The following MOB3B variants were observed in gnomAD, a reference collection of about 807,000 sequenced individuals.
MOB3B encodes MOB kinase activator-like 2B.
In MOB3B, 7 loss-of-function variants were observed where a neutral mutation model predicts 18.7. The observed-to-expected ratio is 0.37, with a 90% CI of 0.21 to 0.70. The LOEUF (loss-of-function observed/expected upper bound fraction) is 0.70. Ranked by LOEUF, MOB3B falls within the 30% of genes least tolerant of loss-of-function variation. MOB3B has a pLI of 0.52. For missense variants in MOB3B, 253 were observed against 281.3 expected, an observed-to-expected ratio of 0.90 and a Z score of 0.72; for synonymous variants, 111 against 99.9, an observed-to-expected ratio of 1.11 and a Z score of -0.66.
intron 2 of MOB3B, among the ~76,000 whole-genome samples, chr9:27,361,100 C>T (rs77817147): frequency 0.038 from 5,802 of 152,184 alleles, 390 homozygotes; most frequent in African/African-American, 0.13. Context: ...AGTCCTGTAA[C>T]CCACCTGGTG....
intron 2 of MOB3B, among the ~76,000 whole-genome samples, chr9:27,399,413 C>G (rs985838327): frequency 6.6e-6 from 1 of 152,186 alleles, no homozygotes; most frequent in Non-Finnish European, 1.5e-5. Flanking sequence ...AAATTTCAGA[C>G]CATTATGGCT....
chr9:27,513,296 C>G (rs1170472892), intron 1 of MOB3B, among the ~76,000 whole-genome samples: 1 of 152,102 alleles, frequency 6.6e-6, no homozygotes, highest in Non-Finnish European at 1.5e-5. Flanking sequence ...ATCTAGGTCA[C>G]CATGACTCTC....
intron 1 of MOB3B, among the ~76,000 whole-genome samples, chr9:27,475,176 C>T (rs1254174850): frequency 6.6e-6 from 1 of 152,162 alleles, no homozygotes; most frequent in East Asian, 1.9e-4. Flanking sequence ...TAAAAGCCAG[C>T]CAGTGAGGAG....
At chr9:27,376,622 A>T (rs907168380) in intron 2 of MOB3B, among the ~76,000 whole-genome samples, 18 of 152,256 alleles carry the variant, frequency 1.2e-4, no homozygotes, top group Admixed American at 1.1e-3. Context: ...AGTGTCTCAC[A>T]CTAGAACAAT....
intron 1 of MOB3B, among the ~76,000 whole-genome samples, chr9:27,507,894 T>G (rs538190725): frequency 6.6e-6 from 1 of 152,358 alleles, no homozygotes; most frequent in African/African-American, 2.4e-5. Flanking sequence ...CCAGAAGGTT[T>G]AAGTTCTTCA....
chr9:27,454,158 C>T (rs899652822), intron 2 of MOB3B, among the ~76,000 whole-genome samples: 1 of 152,232 alleles, frequency 6.6e-6, no homozygotes, highest in Non-Finnish European at 1.5e-5. Context: ...TCCATACACG[C>T]CCTTCTCAAC....
chr9:27,364,331 C>T (rs939620944), intron 2 of MOB3B, among the ~76,000 whole-genome samples: 2 of 152,112 alleles, frequency 1.3e-5, no homozygotes, highest in African/African-American at 4.8e-5. Context: ...AGACCCTCCA[C>T]TTCAGTATTC....
chr9:27,487,090 C>A (rs1819738546), intron 1 of MOB3B, among the ~76,000 whole-genome samples: 1 of 150,702 alleles, frequency 6.6e-6, no homozygotes, highest in African/African-American at 2.4e-5. Flanking sequence ...AAGGTCTCAC[C>A]ATTGCACTCC....
chr9:27,472,175 G>A lies in MOB3B; in HGVS notation c.-198-16427C>T, dbSNP rs541835254. On this transcript the variant is annotated intron_variant, in intron 1 of 3. Transcript: ENST00000262244. Reference sequence around the variant, plus strand: ...TCATTCATTTAGGGGAGTTGTTTTGGTTTTTCTTGTTTTATTCTTTGGGTA... The same window carrying A: ...TCATTCATTTAGGGGAGTTGTTTTGATTTTTCTTGTTTTATTCTTTGGGTA... Among the ~76,000 whole-genome samples the A allele has an allele frequency of 3.3e-5, 5 of 149,450 alleles. No individual in the cohort carries two copies. The South Asian group carries it at 1.1e-3, about 32-fold the overall frequency.
chr9:27,346,995 C>CAAAAT (rs1363646319), intron 3 of MOB3B, among the ~76,000 whole-genome samples: 4 of 151,774 alleles, frequency 2.6e-5, no homozygotes, highest in East Asian at 3.9e-4. Context: ...GACTCTATCT[C>CAAAAT]AAAATAAAAT....
At chr9:27,443,616 A>G (rs1484749108) in intron 2 of MOB3B, among the ~76,000 whole-genome samples, 1 of 152,188 alleles carries the variant, frequency 6.6e-6, no homozygotes, top group Non-Finnish European at 1.5e-5. Context: ...AGTTAGTCCA[A>G]TCAGGAACCC....
chr9:27,508,743 A>G (rs1361367081), intron 1 of MOB3B, among the ~76,000 whole-genome samples: 1 of 152,208 alleles, frequency 6.6e-6, no homozygotes, highest in Non-Finnish European at 1.5e-5. Context: ...GTCCCCAGAC[A>G]GCGATTTGTA....
chr9:27,484,249 A>G (rs1315244202), intron 1 of MOB3B, among the ~76,000 whole-genome samples: 10 of 152,348 alleles, frequency 6.6e-5, no homozygotes, highest in Non-Finnish European at 1.0e-4. Context: ...AACTCAGAGA[A>G]AAACGGGAAG....
intron 1 of MOB3B, among the ~76,000 whole-genome samples, chr9:27,517,906 GCTT>G (rs1563888614): frequency 1.3e-5 from 2 of 152,064 alleles, no homozygotes; most frequent in African/African-American, 4.8e-5. Context: ...CCCATTCCAA[GCTT>G]CTTCTCAGGC....
intron 3 of MOB3B, among the ~76,000 whole-genome samples, chr9:27,331,817 G>A (rs1189289306): frequency 2.6e-5 from 4 of 152,152 alleles, no homozygotes; most frequent in Non-Finnish European, 4.4e-5. Context: ...TATATAATAG[G>A]AAACATCGAG....
At chr9:27,512,750 A>G (rs1820165742) in intron 1 of MOB3B, among the ~76,000 whole-genome samples, 1 of 152,238 alleles carries the variant, frequency 6.6e-6, no homozygotes, top group African/African-American at 2.4e-5. Flanking sequence ...ATCTACATTT[A>G]GTAAATAATA....
intron 2 of MOB3B, among the ~76,000 whole-genome samples, chr9:27,452,103 G>C (rs1822798566): frequency 6.6e-6 from 1 of 152,122 alleles, no homozygotes; most frequent in African/African-American, 2.4e-5. Context: ...AAAACAAAAG[G>C]ATTCAGAAAC....
intron 1 of MOB3B, among the ~76,000 whole-genome samples, chr9:27,522,268 AAAAG>A (rs759198026): frequency 6.9e-5 from 9 of 130,816 alleles, no homozygotes; most frequent in African/African-American, 1.1e-4. Context: ...AAAAAAAAAG[AAAAG>A]AAAGAAAGAA....
At chr9:27,343,478 T>TAAAAAAAAAAAAAAAAAAAA (rs779124158) in intron 3 of MOB3B, among the ~76,000 whole-genome samples, 10 of 84,328 alleles carry the variant, frequency 1.2e-4, no homozygotes, top group African/African-American at 5.0e-4. Context: ...CAATAAATAC[T>TAAAAAAAAAAAAAAAAAAAA]AAAAAAAAAA....
Sources: gnomAD v4.1 joint callset for allele counts (sites outside exome capture counted in the v4.1 genomes callset) on GRCh38, gnomAD v4.1.1 for gene constraint, MANE v1.5 for transcripts, NCBI Gene and HGNC (gene_info 2026-07-23, HGNC 2026-07-21) for gene names.